The following SHROOM2 variants were observed in gnomAD, a reference collection of about 807,000 sequenced individuals.
SHROOM2 encodes the protein shroom family member 2, also known as protein Shroom2.
A neutral mutation model predicts 75.9 loss-of-function variants in SHROOM2; 33 were observed. The observed-to-expected ratio is 0.43, with a 90% confidence interval of 0.33 to 0.58. The LOEUF is 0.58. SHROOM2 is among the 20% of genes least tolerant of loss of function. SHROOM2 has a pLI of 0.04. For synonymous variants in SHROOM2, 655 were observed against 663.6 expected (o/e 0.99, Z 0.20); for missense variants, 1,434 against 1,461.2 (o/e 0.98, Z 0.30).
intron 1 of SHROOM2, among the ~76,000 whole-genome samples, chrX:9,806,574 T>C (rs1360314892): frequency 9.9e-6 from 1 of 101,428 alleles, no homozygotes; most frequent in Non-Finnish European, 2.0e-5. Flanking sequence ...ATCCTTTTTT[T>C]TTTTTTTTGA....
At chrX:9,859,714 G>A (rs2084092825) in intron 1 of SHROOM2, among the ~76,000 whole-genome samples, 1 of 111,835 alleles carries the variant, frequency 8.9e-6, no homozygotes, top group South Asian at 3.8e-4. Context: ...CAAAGGGCCT[G>A]TTGTTGCGGG....
intron 5 of SHROOM2, among the ~76,000 whole-genome samples, chrX:9,928,812 C>A (rs1003825): frequency 0.029 from 3,245 of 112,089 alleles, 105 homozygotes; most frequent in African/African-American, 0.099. Flanking sequence ...ACCCAGACTC[C>A]TACATCTACA....
At chrX:9,793,337 C>T (rs1045104124) in intron 1 of SHROOM2, among the ~76,000 whole-genome samples, 1 of 107,870 alleles carries the variant, frequency 9.3e-6, no homozygotes, top group Non-Finnish European at 1.9e-5. Context: ...CCACTCAGGC[C>T]AGAGTGCAAT....
chrX:9,819,058 C>T, intron 1 of SHROOM2: 1 of 1,161,127 alleles, frequency 8.6e-7, no homozygotes, highest in Non-Finnish European at 1.2e-6. Flanking sequence ...GTACCACTGT[C>T]ACTATTCTCA....
At chrX:9,872,115 A>T (rs1256541211) in intron 1 of SHROOM2, among the ~76,000 whole-genome samples, 1 of 112,483 alleles carries the variant, frequency 8.9e-6, no homozygotes, top group Non-Finnish European at 1.9e-5. Flanking sequence ...AATGGGTGTG[A>T]CTGTATTACA....
In SHROOM2 at chrX:9,866,324, C is replaced by G. The variant is rs893869208; in HGVS notation, c.166-7328C>G. On this transcript the variant is annotated intron_variant, in intron 1 of 9. Coordinates refer to ENST00000380913, the MANE Select transcript of SHROOM2 (RefSeq NM_001649.4). Reference sequence around the variant, plus strand: ...AGGTGACTTCAGTGCTTGTCCTCATCATGCAGATATTTTATCTCTGGAAAG... The same window carrying G: ...AGGTGACTTCAGTGCTTGTCCTCATGATGCAGATATTTTATCTCTGGAAAG... 2.7e-5 allele frequency among the ~76,000 whole-genome samples: 3 copies of G among 109,921 alleles called. No individual in the cohort carries two copies. In the East Asian group the frequency reaches 8.6e-4, roughly 32 times the overall value.
At chrX:9,793,656 T>C (rs2083679625) in intron 1 of SHROOM2, among the ~76,000 whole-genome samples, 1 of 111,066 alleles carries the variant, frequency 9.0e-6, no homozygotes. Flanking sequence ...TTCTTGGCCC[T>C]TCATACCCCT....
intron 5 of SHROOM2, chrX:9,913,098 G>A (rs1431807786): frequency 1.8e-5 from 2 of 112,517 alleles, no homozygotes; most frequent in Admixed American, 1.9e-4. Flanking sequence ...GGTTCCCCGA[G>A]GGAGCTGGCT....
In SHROOM2 at chrX:9,896,361, T is replaced by G. The variant is rs61744804; in HGVS notation, c.2453T>G (p.Leu818Arg). 2.5e-4 allele frequency: 307 copies of G among 1,211,157 alleles called. No individual in the cohort carries two copies. The African/African-American group carries it at 4.7e-3, about 19-fold the overall frequency. The change falls in exon 4 of 10, where the codon CTT (leucine) becomes CGT (arginine). Residue 818 changes from leucine (L) to arginine (R), a missense_variant. Around this residue, in one of 3 missense-constraint regions of SHROOM2, gnomAD observed 1,340 missense variants for 1,338.3 expected, o/e 1.00. Coordinates refer to ENST00000380913, the MANE Select transcript of SHROOM2 (RefSeq NM_001649.4). ...VPQRPAQKQA[L>R]HGIPRDKPER... The stretch of plus-strand genomic sequence containing the variant: ...CAGAGGCCTGCCCAGAAGCAAGCTC[T>G]TCACGGAATCCCGAGAGACAAGCCA...
intron 1 of SHROOM2, among the ~76,000 whole-genome samples, chrX:9,820,062 A>G (rs1232325435): frequency 9.1e-6 from 1 of 109,546 alleles, no homozygotes. Context: ...AGGCCTCCCA[A>G]AGTGTTGGGA....
intron 1 of SHROOM2, among the ~76,000 whole-genome samples, chrX:9,791,906 A>G (rs2083650346): frequency 9.2e-6 from 1 of 108,194 alleles, no homozygotes; most frequent in South Asian, 4.0e-4. Context: ...CCCGGGAGGC[A>G]GAGGTTGTGG....
chrX:9,842,164 A>G (rs756865440), intron 1 of SHROOM2, among the ~76,000 whole-genome samples: 1 of 111,813 alleles, frequency 8.9e-6, no homozygotes, highest in East Asian at 2.8e-4. Context: ...TAAATTTTTC[A>G]TTTATAACTT....
rs769874964 is a variant in SHROOM2, at chrX:9,919,219, G to A, written c.2892-12956G>A. ...AATGAAAATACCACAGAATGGTGAA[G>A]TGCAGTCTAGGAATCAACAGGTAGA... On this transcript the variant is annotated intron_variant, in intron 5 of 9. Transcript: ENST00000380913. 3.6e-5 allele frequency among the ~76,000 whole-genome samples: 4 copies of A among 109,699 alleles called. No individual in the cohort carries two copies. In the South Asian group the frequency reaches 1.6e-3, roughly 43 times the overall value.
At chrX:9,905,297 A>G (rs988363827) in intron 5 of SHROOM2, among the ~76,000 whole-genome samples, 1 of 113,273 alleles carries the variant, frequency 8.8e-6, no homozygotes, top group African/African-American at 3.2e-5. Context: ...GAAATAAAAA[A>G]GGAAATAGTT....
intron 1 of SHROOM2, among the ~76,000 whole-genome samples, chrX:9,792,111 G>C (rs765518958): frequency 1.6e-4 from 3 of 18,332 alleles, no homozygotes; most frequent in African/African-American, 2.9e-4. Context: ...GAATAGAATA[G>C]AATAGAATAG....
At chrX:9,900,847 G>GCCCCCA (rs1207683210) in intron 5 of SHROOM2, among the ~76,000 whole-genome samples, 1 of 106,619 alleles carries the variant, frequency 9.4e-6, no homozygotes, top group Non-Finnish European at 1.9e-5. Flanking sequence ...CCGCACCCCA[G>GCCCCCA]CCCCCACCCC....
chrX:9,819,186 G>A (rs1233360774), intron 1 of SHROOM2: 2 of 1,108,612 alleles, frequency 1.8e-6, no homozygotes, highest in African/African-American at 3.6e-5. Context: ...ATGCATATCT[G>A]TTTCAGGATT....
chrX:9,926,841 C>T (rs1047806829), intron 5 of SHROOM2, among the ~76,000 whole-genome samples: 3 of 110,834 alleles, frequency 2.7e-5, no homozygotes, highest in African/African-American at 6.6e-5. Flanking sequence ...GTCCCACCCC[C>T]GAGATGTCTC....
rs2084345022 is a variant in SHROOM2, at chrX:9,898,182, C to A, written c.2791-8C>A. The A allele has an allele frequency of 2.6e-6, 3 of 1,171,978 alleles. No individual in the cohort carries two copies. Among genetic ancestry groups the A allele is most frequent in the East Asian group, 3.1e-5 (1 of 31,902 alleles). On this transcript the variant is annotated splice_polypyrimidine_tract_variant and splice_region_variant and intron_variant, in intron 4 of 9. Transcript: ENST00000380913. ...GGACTTGGTGTCTCATTATGTTGCC[C>A]TTTGCAGGAAGCTTCTGTCGAACTG...
Sources: allele counts gnomAD v4.1 joint callset (sites outside exome capture counted in the v4.1 genomes callset), GRCh38; gene constraint gnomAD v4.1.1; regional missense constraint gnomAD v4.1.1; transcripts MANE v1.5; gene names NCBI Gene and HGNC (gene_info 2026-07-23, HGNC 2026-07-21).